CCBE1: variants seen among roughly 807,000 people sequenced by gnomAD.
CCBE1 encodes collagen and calcium binding EGF domains 1.
Under a neutral mutation model 50.0 loss-of-function variants are expected in CCBE1, and 37 were observed. That is an observed-to-expected ratio of 0.74 (90% confidence interval 0.57 to 0.97). The LOEUF (loss-of-function observed/expected upper bound fraction) is 0.97. CCBE1 is among the 50% of genes least tolerant of loss of function. The pLI is 0.00. For synonymous variants in CCBE1, 234 were observed against 203.7 expected (o/e 1.15, Z -1.27); for missense variants, 538 against 523.8 (o/e 1.03, Z -0.26).
chr18:59,552,574 A>G (rs1282893629), intron 2 of CCBE1, among the ~76,000 whole-genome samples: 2 of 152,224 alleles, frequency 1.3e-5, no homozygotes, highest in African/African-American at 4.8e-5. Flanking sequence ...TTAATCATCC[A>G]AAAGAAGAGT....
At chr18:59,506,339 C>G (rs1305174734) in intron 2 of CCBE1, among the ~76,000 whole-genome samples, 1 of 152,168 alleles carries the variant, frequency 6.6e-6, no homozygotes, top group African/African-American at 2.4e-5. Context: ...CCTGAGGATA[C>G]CTAGGTTTCA....
chr18:59,522,550 A>G (rs1914645131), intron 2 of CCBE1, among the ~76,000 whole-genome samples: 1 of 152,228 alleles, frequency 6.6e-6, no homozygotes, highest in South Asian at 2.1e-4. Context: ...AAATCAAGGA[A>G]TAAATGTTTG....
At chr18:59,566,937 T>C (rs926371201) in intron 2 of CCBE1, among the ~76,000 whole-genome samples, 1 of 152,172 alleles carries the variant, frequency 6.6e-6, no homozygotes, top group East Asian at 1.9e-4. Flanking sequence ...AGATAAACTA[T>C]GCAGAATTCT....
chr18:59,478,200 CATCTCCACA>C (rs1283051678), intron 3 of CCBE1, among the ~76,000 whole-genome samples: 3 of 152,274 alleles, frequency 2.0e-5, no homozygotes, highest in African/African-American at 7.2e-5. Context: ...TTTGGACTTG[CATCTCCACA>C]ATCTCATAAG....
At chr18:59,528,374 A>G (rs1156992333) in intron 2 of CCBE1, among the ~76,000 whole-genome samples, 1 of 152,276 alleles carries the variant, frequency 6.6e-6, no homozygotes. Context: ...TTAATGTTTT[A>G]TCAGGGTTCT....
intron 2 of CCBE1, among the ~76,000 whole-genome samples, chr18:59,499,985 C>T (rs1789477): frequency 0.037 from 5,563 of 152,190 alleles, 342 homozygotes; most frequent in African/African-American, 0.13. Flanking sequence ...AAAAAACTGT[C>T]GGGGAGTATG....
chr18:59,470,790 T>G (rs1334811665), intron 3 of CCBE1, among the ~76,000 whole-genome samples: 1 of 152,156 alleles, frequency 6.6e-6, no homozygotes, highest in African/African-American at 2.4e-5. Flanking sequence ...TAAACTATAC[T>G]TGGACACAGA....
At chr18:59,608,942 C>T (rs7240130) in intron 2 of CCBE1, among the ~76,000 whole-genome samples, 7,912 of 152,256 alleles carry the variant, frequency 0.052, 530 homozygotes, top group African/African-American at 0.16. Flanking sequence ...TGGCTTCTAT[C>T]CCCCACCTTC....
At chr18:59,448,800 CA>C (rs1440797059) in intron 6 of CCBE1, among the ~76,000 whole-genome samples, 1 of 152,190 alleles carries the variant, frequency 6.6e-6, no homozygotes, top group Admixed American at 6.5e-5. Context: ...CTGTAAGAAT[CA>C]AAATCTTGTG....
intron 2 of CCBE1, among the ~76,000 whole-genome samples, chr18:59,527,476 G>C (rs1914873554): frequency 6.6e-6 from 1 of 151,966 alleles, no homozygotes. Context: ...CTTTTTATTG[G>C]GGCATTTAGC....
intron 2 of CCBE1, among the ~76,000 whole-genome samples, chr18:59,655,509 G>A (rs1311513210): frequency 2.6e-5 from 4 of 152,154 alleles, no homozygotes; most frequent in East Asian, 1.9e-4. Flanking sequence ...TTCAGTACAG[G>A]TCCATATGGA....
At chr18:59,661,264 A>G (rs2054281099) in intron 2 of CCBE1, among the ~76,000 whole-genome samples, 1 of 152,232 alleles carries the variant, frequency 6.6e-6, no homozygotes, top group Admixed American at 6.5e-5. Flanking sequence ...TTATTTATTT[A>G]CAATAACTCA....
intron 2 of CCBE1, among the ~76,000 whole-genome samples, chr18:59,499,485 C>T (rs1484049629): frequency 6.6e-6 from 1 of 152,162 alleles, no homozygotes; most frequent in African/African-American, 2.4e-5. Flanking sequence ...GCTCGGGAGG[C>T]CTCACAATCA....
intron 3 of CCBE1, among the ~76,000 whole-genome samples, chr18:59,478,655 T>C (rs1254686874): frequency 2.0e-5 from 3 of 152,244 alleles, no homozygotes; most frequent in African/African-American, 7.2e-5. Context: ...AAAGAAACTC[T>C]AAGTATGTGG....
chr18:59,493,595 T>C (rs1401349203), intron 2 of CCBE1, among the ~76,000 whole-genome samples: 1 of 152,128 alleles, frequency 6.6e-6, no homozygotes, highest in East Asian at 1.9e-4. Context: ...ACTTCACTTG[T>C]TAAAATTAGT....
intron 2 of CCBE1, among the ~76,000 whole-genome samples, chr18:59,644,011 G>T: frequency 6.6e-6 from 1 of 152,144 alleles, no homozygotes; most frequent in East Asian, 1.9e-4. Flanking sequence ...CTATGGCACT[G>T]GTCCCCAACC....
intron 2 of CCBE1, among the ~76,000 whole-genome samples, chr18:59,646,385 T>C (rs1278833450): frequency 6.6e-6 from 1 of 152,034 alleles, no homozygotes; most frequent in East Asian, 1.9e-4. Context: ...GAAGAGACAA[T>C]CCCAACCCAG....
intron 3 of CCBE1, among the ~76,000 whole-genome samples, chr18:59,471,982 G>A (rs757714282): frequency 1.8e-4 from 28 of 152,220 alleles, no homozygotes; most frequent in Non-Finnish European, 3.4e-4. Context: ...GGGCAACATA[G>A]TGAGCTCCTG....
chr18:59,442,877 A>G (rs1910497540), intron 7 of CCBE1, among the ~76,000 whole-genome samples: 1 of 152,156 alleles, frequency 6.6e-6, no homozygotes, highest in Admixed American at 6.5e-5. Flanking sequence ...GCCCCTTTAC[A>G]TGGGGTGAGT....
Sources: allele counts gnomAD v4.1 joint callset (sites outside exome capture counted in the v4.1 genomes callset), GRCh38; gene constraint gnomAD v4.1.1; transcripts MANE v1.5; gene names NCBI Gene and HGNC (gene_info 2026-07-23, HGNC 2026-07-21).